CCDC15: variants seen among roughly 807,000 people sequenced by gnomAD.
The protein encoded by CCDC15 is coiled-coil domain-containing protein 15.
CCDC15 carries 105 observed loss-of-function variants against 114.5 expected under a neutral mutation model. The observed-to-expected ratio is 0.92, with a 90% CI of 0.78 to 1.08. CCDC15 has a LOEUF of 1.08. Among genes scored for constraint, CCDC15 ranks in the 50% least tolerant of loss-of-function variants. CCDC15 has a pLI of 0.00. For missense variants in CCDC15, 1,105 were observed against 1,093.6 expected (o/e 1.01, Z -0.15); for synonymous variants, 334 against 377.8 (o/e 0.88, Z 1.34).
At chr11:124,972,665 A>C (rs1007428018) in intron 4 of CCDC15, among the ~76,000 whole-genome samples, 1 of 152,178 alleles carries the variant, frequency 6.6e-6, no homozygotes, top group Non-Finnish European at 1.5e-5. Context: ...AATCCACTTC[A>C]CTAAACCAAA....
At chr11:124,995,110 C>T (rs1164626689) in intron 11 of CCDC15, among the ~76,000 whole-genome samples, 2 of 152,152 alleles carry the variant, frequency 1.3e-5, no homozygotes, top group Non-Finnish European at 2.9e-5. Context: ...ATTTATACAT[C>T]CTGAGCCCTG....
rs909899364 is a variant in CCDC15 at position 125,040,805 on chromosome 11, A to G, written c.*94A>G. 4.7e-6 allele frequency: 5 copies of G among 1,069,942 alleles called. No individual in the cohort carries two copies. In the African/African-American group the frequency reaches 6.4e-5, roughly 14 times the overall value. The allele number at this position is 1,069,942 out of a possible 1,614,324, so 66.3% of individuals were successfully genotyped here. Reference sequence around the variant, plus strand: ...AAAAGCTGTTCAAGTTATAAAATATATAATCTGGGAAGAAATACTGTCTCA... The same window carrying G: ...AAAAGCTGTTCAAGTTATAAAATATGTAATCTGGGAAGAAATACTGTCTCA... On this transcript the variant is annotated 3_prime_UTR_variant, in exon 16 of 16. Coordinates refer to ENST00000344762, the MANE Select transcript of CCDC15 (RefSeq NM_025004.3).
At chr11:124,992,073 G>A (rs1334014776) in intron 9 of CCDC15, among the ~76,000 whole-genome samples, 1 of 152,176 alleles carries the variant, frequency 6.6e-6, no homozygotes, top group Non-Finnish European at 1.5e-5. Flanking sequence ...GGAGCATAGA[G>A]TGTTAAACAC....
intron 4 of CCDC15, among the ~76,000 whole-genome samples, chr11:124,962,673 A>G (rs556730672): frequency 8.4e-4 from 127 of 150,940 alleles, no homozygotes; most frequent in African/African-American, 3.0e-3. Context: ...TTATACTTTA[A>G]ATTCTAGGGT....
chr11:125,004,346 A>C (rs1948526175), intron 12 of CCDC15, among the ~76,000 whole-genome samples: 1 of 151,952 alleles, frequency 6.6e-6, no homozygotes, highest in Non-Finnish European at 1.5e-5. Flanking sequence ...CTTTTTTCAA[A>C]ATACAAATAT....
intron 13 of CCDC15, among the ~76,000 whole-genome samples, chr11:125,012,377 T>C (rs146628829): frequency 1.3e-5 from 2 of 152,340 alleles, no homozygotes; most frequent in African/African-American, 4.8e-5. Context: ...CATTTATTTT[T>C]TATCTTCCAT....
chr11:124,956,297 G>A (rs1000933906), intron 2 of CCDC15, among the ~76,000 whole-genome samples: 1 of 152,062 alleles, frequency 6.6e-6, no homozygotes, highest in African/African-American at 2.4e-5. Flanking sequence ...GTATAGCATC[G>A]AAACTTTGTT....
chr11:124,961,657 T>G (rs922875606), intron 4 of CCDC15, among the ~76,000 whole-genome samples: 1 of 152,088 alleles, frequency 6.6e-6, no homozygotes, highest in Non-Finnish European at 1.5e-5. Context: ...GCCTCCTGAG[T>G]AGCTGGGGTA....
chr11:125,034,911 T>TTA (rs1185691579), intron 13 of CCDC15, among the ~76,000 whole-genome samples: 81 of 151,820 alleles, frequency 5.3e-4, no homozygotes, highest in African/African-American at 1.9e-3. Flanking sequence ...ATATGCATAG[T>TTA]TATATATATA....
intron 13 of CCDC15, among the ~76,000 whole-genome samples, chr11:125,006,577 A>T (rs926493235): frequency 1.3e-5 from 2 of 152,072 alleles, no homozygotes; most frequent in African/African-American, 4.8e-5. Context: ...GTTATATATA[A>T]AAAAAAGTCA....
At chr11:124,994,609 A>G (rs2135498038) in intron 11 of CCDC15, among the ~76,000 whole-genome samples, 1 of 152,288 alleles carries the variant, frequency 6.6e-6, no homozygotes, top group African/African-American at 2.4e-5. Context: ...CTTCCACCCC[A>G]TGGCCAGTAC....
At chr11:125,003,615 A>G (rs1027208991) in intron 11 of CCDC15, among the ~76,000 whole-genome samples, 1 of 151,922 alleles carries the variant, frequency 6.6e-6, no homozygotes, top group African/African-American at 2.4e-5. Flanking sequence ...TGAACATTTT[A>G]ATTTTTTGTT....
intron 4 of CCDC15, among the ~76,000 whole-genome samples, chr11:124,963,857 A>G (rs1220034966): frequency 6.6e-6 from 1 of 152,244 alleles, no homozygotes; most frequent in Non-Finnish European, 1.5e-5. Flanking sequence ...AGCTTTCTAC[A>G]TATGGCTAGC....
intron 11 of CCDC15, 103 bp downstream of exon 11, chr11:124,993,346 A>G: frequency 4.3e-6 from 3 of 703,710 alleles, no homozygotes; most frequent in Middle Eastern, 2.4e-4. Context: ...TTGGCTGAAG[A>G]TTGACAGGGC....
chr11:124,996,648 A>G (rs1161996774), intron 11 of CCDC15, among the ~76,000 whole-genome samples: 2 of 151,090 alleles, frequency 1.3e-5, no homozygotes, highest in Admixed American at 1.3e-4. Flanking sequence ...ATCCATCTCC[A>G]GAGTTTTTTC....
At chr11:124,967,957 C>T (rs1484443125) in intron 4 of CCDC15, among the ~76,000 whole-genome samples, 2 of 152,172 alleles carry the variant, frequency 1.3e-5, no homozygotes, top group Non-Finnish European at 1.5e-5. Context: ...TGGGTATCAC[C>T]AGTGGAGGCT....
intron 11 of CCDC15, among the ~76,000 whole-genome samples, chr11:124,999,706 G>A (rs896228090): frequency 2.0e-5 from 3 of 151,900 alleles, no homozygotes; most frequent in African/African-American, 7.3e-5. Context: ...CATAGATAAA[G>A]TATTAATCAC....
In CCDC15 at chr11:124,986,831, G is replaced by A. The variant is rs1449549280; in HGVS notation, c.843G>A (p.Gln281=). The change falls in exon 7 of 16, where the codon CAG becomes CAA. Residue 281 remains glutamine (Q), a synonymous_variant. Coordinates refer to ENST00000344762, the MANE Select transcript of CCDC15 (RefSeq NM_025004.3). ...AAGAAGATTTGTTTGGGAGAGGCCA[G>A]CAGGACCAGCAGGCTATCCATTCTG... ...KGKEDLFGRG[Q]QDQQAIHSED... is the part of the protein sequence containing the mutation. 1 of 1,559,380 alleles carries A rather than the reference G, an allele frequency of 6.4e-7. No homozygotes were observed. Among genetic ancestry groups the A allele is most frequent in the Middle Eastern group, 1.7e-4 (1 of 6,004 alleles).
At chr11:124,989,777 T>G (rs1948238489) in intron 8 of CCDC15, among the ~76,000 whole-genome samples, 1 of 152,146 alleles carries the variant, frequency 6.6e-6, no homozygotes, top group African/African-American at 2.4e-5. Context: ...CAACTTTTCT[T>G]CTGTAGTTTT....
Sources: allele counts gnomAD v4.1 joint callset (sites outside exome capture counted in the v4.1 genomes callset), GRCh38; gene constraint gnomAD v4.1.1; transcripts MANE v1.5; gene names NCBI Gene and HGNC (gene_info 2026-07-23, HGNC 2026-07-21).